The following TACC2 variants were observed in gnomAD, a reference collection of about 807,000 sequenced individuals.
TACC2 encodes transforming acidic coiled-coil-containing protein 2.
A neutral mutation model predicts 227.3 loss-of-function variants in TACC2; 137 were observed. That is an observed-to-expected ratio of 0.60 (90% CI 0.52 to 0.69). The LOEUF (loss-of-function observed/expected upper bound fraction) is 0.69. TACC2 is among the 30% of genes least tolerant of loss of function. The probability of loss-of-function intolerance (pLI) is 0.00; values close to 1 mark genes in which losing one functional copy is unlikely to be tolerated. For synonymous variants in TACC2, 1,523 were observed against 1,487.5 expected (o/e 1.02, Z -0.55); for missense variants, 3,470 against 3,694.4 (o/e 0.94, Z 1.57).
chr10:122,044,682 ATTT>A (rs35408701), intron 2 of TACC2, among the ~76,000 whole-genome samples: 1 of 146,230 alleles, frequency 6.8e-6, no homozygotes, highest in Non-Finnish European at 1.5e-5. Flanking sequence ...GGTAAGTGGA[ATTT>A]TTTTTTTTTT....
chr10:122,168,313 C>T (rs570013824), intron 7 of TACC2, among the ~76,000 whole-genome samples: 22 of 152,208 alleles, frequency 1.4e-4, no homozygotes, highest in South Asian at 8.3e-4. Flanking sequence ...AGTTCCTGGA[C>T]GGAGATTTTA....
intron 5 of TACC2, among the ~76,000 whole-genome samples, chr10:122,123,156 A>G (rs2086168430): frequency 6.6e-6 from 1 of 152,120 alleles, no homozygotes; most frequent in Admixed American, 6.6e-5. Flanking sequence ...GTGCACGCCA[A>G]CACACCCGGC....
At chr10:122,024,605 C>T (rs1202896410) in intron 2 of TACC2, among the ~76,000 whole-genome samples, 1 of 152,120 alleles carries the variant, frequency 6.6e-6, no homozygotes, top group African/African-American at 2.4e-5. Context: ...CCTATTGTTC[C>T]CTATTTCTAT....
Position 122,086,518 on chromosome 10 carries a change from C to A in TACC2, c.4018C>A (p.Gln1340Lys), listed in dbSNP as rs1218546185. 2 of 1,612,402 alleles carry A rather than the reference C, an allele frequency of 1.2e-6. No homozygotes were observed. Among genetic ancestry groups the A allele is most frequent in the Non-Finnish European group, 1.7e-6 (2 of 1,179,364 alleles). Residue 1340 changes from glutamine to lysine, a missense_variant, in exon 4 of 23, where the codon CAG (glutamine) becomes AAG (lysine). This residue lies in a region of TACC2 where 1,924 missense variants were observed against 1,978.3 expected (regional missense o/e 0.97). Coordinates refer to ENST00000369005, the MANE Select transcript of TACC2 (RefSeq NM_206862.4). Reference sequence around the variant, plus strand: ...GATGCCACTTCTGGCCAAGGGCAAGCAGGCAACAGGGGAAGAGAAAGCAGC... The same window carrying A: ...GATGCCACTTCTGGCCAAGGGCAAGAAGGCAACAGGGGAAGAGAAAGCAGC... The part of the protein sequence containing the change: ...DRMPLLAKGK[Q>K]ATGEEKAATA...
chr10:122,161,542 C>A (rs116933229), intron 7 of TACC2, among the ~76,000 whole-genome samples: 1 of 152,236 alleles, frequency 6.6e-6, no homozygotes, highest in Admixed American at 6.5e-5. Flanking sequence ...GTTAAACAGT[C>A]GGCTCAGGCC....
intron 1 of TACC2, among the ~76,000 whole-genome samples, chr10:121,999,126 A>G (rs1205641787): frequency 6.6e-6 from 1 of 151,398 alleles, no homozygotes; most frequent in Non-Finnish European, 1.5e-5. Flanking sequence ...CTACTGCCTC[A>G]ACCTCCTGAG....
chr10:122,165,745 G>A (rs926161062), intron 7 of TACC2, among the ~76,000 whole-genome samples: 6 of 152,108 alleles, frequency 3.9e-5, no homozygotes, highest in African/African-American at 1.2e-4. Context: ...AGATCTTTAC[G>A]ATAGTATATT....
Position 122,077,226 on chromosome 10 carries a change from A to G in TACC2, c.147-5421A>G, listed in dbSNP as rs145532019. Among the ~76,000 whole-genome samples, 6 of 151,988 alleles carry G rather than the reference A, an allele frequency of 3.9e-5. No homozygotes were observed. The South Asian group carries it at 1.0e-3, about 26-fold the overall frequency. On this transcript the variant is annotated intron_variant, in intron 3 of 22. Transcript: ENST00000369005. ...GATTTGGGTTCAGTTGTTTCTGTCC[A>G]TCCTTCTAGCCATCCATCCTGGCAC...
intron 1 of TACC2, among the ~76,000 whole-genome samples, chr10:122,011,985 T>C (rs774159430): frequency 4.6e-5 from 7 of 152,000 alleles, no homozygotes; most frequent in Admixed American, 6.6e-5. Context: ...TCACCTAGGC[T>C]GGAGTGCAGT....
intron 1 of TACC2, among the ~76,000 whole-genome samples, chr10:121,995,610 A>G (rs1953354896): frequency 1.3e-5 from 2 of 152,186 alleles, no homozygotes; most frequent in African/African-American, 2.4e-5. Flanking sequence ...TAGTTGGCTC[A>G]TGGTTCTGAA....
chr10:122,151,359 G>A (rs2092019253), intron 7 of TACC2, among the ~76,000 whole-genome samples: 1 of 152,082 alleles, frequency 6.6e-6, no homozygotes. Flanking sequence ...GTTTGCTGAG[G>A]GTAAAGAAGG....
intron 2 of TACC2, among the ~76,000 whole-genome samples, chr10:122,035,698 T>G (rs573028279): frequency 2.6e-5 from 4 of 152,264 alleles, no homozygotes; most frequent in African/African-American, 9.6e-5. Context: ...ATCACCGCCA[T>G]CCATCTCCAG....
At chr10:122,245,424 A>ATC (rs2096089948) in intron 19 of TACC2, among the ~76,000 whole-genome samples, 1 of 152,172 alleles carries the variant, frequency 6.6e-6, no homozygotes, top group Non-Finnish European at 1.5e-5. Flanking sequence ...GATCCAGGAA[A>ATC]TCAGATGGAC....
intron 11 of TACC2, among the ~76,000 whole-genome samples, chr10:122,219,508 C>T (rs1175509157): frequency 6.6e-6 from 1 of 152,220 alleles, no homozygotes; most frequent in Non-Finnish European, 1.5e-5. Context: ...AATGGTAACA[C>T]AAGGTCAGGC....
chr10:122,010,903 G>A (rs1955838440), intron 1 of TACC2, among the ~76,000 whole-genome samples: 1 of 152,190 alleles, frequency 6.6e-6, no homozygotes, highest in South Asian at 2.1e-4. Context: ...GGACTTAGCA[G>A]TCCTTCTGGG....
intron 7 of TACC2, among the ~76,000 whole-genome samples, chr10:122,186,701 T>TG (rs1292645997): frequency 6.6e-6 from 1 of 151,964 alleles, no homozygotes; most frequent in Non-Finnish European, 1.5e-5. Context: ...TTAGTAGAGA[T>TG]GGGGTTTCAC....
chr10:122,166,949 A>G (rs917724559), intron 7 of TACC2, among the ~76,000 whole-genome samples: 2 of 152,242 alleles, frequency 1.3e-5, no homozygotes, highest in Admixed American at 6.5e-5. Context: ...GGCTGCAGCT[A>G]TTGATCAGAC....
chr10:122,158,205 T>C (rs941602425), intron 7 of TACC2, among the ~76,000 whole-genome samples: 1 of 151,960 alleles, frequency 6.6e-6, no homozygotes, highest in African/African-American at 2.4e-5. Context: ...CTGGGCAGCA[T>C]GGTGAAACCC....
chr10:122,101,161 CT>C (rs1378141518), intron 5 of TACC2, among the ~76,000 whole-genome samples: 1 of 145,074 alleles, frequency 6.9e-6, no homozygotes, highest in Admixed American at 7.0e-5. Flanking sequence ...AAATCTGCTG[CT>C]TATTCATTGT....
Sources: allele counts gnomAD v4.1 joint callset (sites outside exome capture counted in the v4.1 genomes callset), GRCh38; gene constraint gnomAD v4.1.1; regional missense constraint gnomAD v4.1.1; transcripts MANE v1.5; gene names NCBI Gene and HGNC (gene_info 2026-07-23, HGNC 2026-07-21).